EEA1: variants seen among roughly 807,000 people sequenced by gnomAD.
EEA1 encodes the protein early endosome antigen 1, 162kD.
Under a neutral mutation model 209.2 loss-of-function variants are expected in EEA1, and 111 were observed. The ratio of observed to expected loss-of-function variants is 0.53; its 90% CI spans 0.45 to 0.62. The LOEUF is 0.62. Among genes scored for constraint, EEA1 ranks in the 20% least tolerant of loss-of-function variants. EEA1 has a pLI of 0.00. For synonymous variants in EEA1, 536 were observed against 540.6 expected, an observed-to-expected ratio of 0.99 and a Z score of 0.12; for missense variants, 1,343 against 1,530.8, an observed-to-expected ratio of 0.88 and a Z score of 2.05.
At chr12:92,836,413 T>A (rs2120576) in intron 10 of EEA1, among the ~76,000 whole-genome samples, 4 of 152,112 alleles carry the variant, frequency 2.6e-5, no homozygotes, top group Non-Finnish European at 5.9e-5. Context: ...AATTTCCCTA[T>A]ATTACGCTCC....
At chr12:92,787,611 T>C (rs1874188910) in intron 22 of EEA1, among the ~76,000 whole-genome samples, 1 of 152,068 alleles carries the variant, frequency 6.6e-6, no homozygotes, top group African/African-American at 2.4e-5. Flanking sequence ...AAAGACAGCA[T>C]AATACTTACA....
At chr12:92,821,778 A>T (rs2136683319) in intron 13 of EEA1, among the ~76,000 whole-genome samples, 1 of 151,532 alleles carries the variant, frequency 6.6e-6, no homozygotes. Context: ...TTCAGGAATG[A>T]TCAATCTTTA....
intron 1 of EEA1, among the ~76,000 whole-genome samples, chr12:92,927,108 A>T (rs1351078142): frequency 6.6e-6 from 1 of 152,222 alleles, no homozygotes; most frequent in Non-Finnish European, 1.5e-5. Context: ...TAATGCATTT[A>T]ACACAGTGAT....
intron 1 of EEA1, among the ~76,000 whole-genome samples, chr12:92,901,000 T>C (rs556748544): frequency 5.9e-5 from 9 of 152,216 alleles, no homozygotes; most frequent in East Asian, 1.9e-4. Flanking sequence ...AGAACCGTTC[T>C]ATAAAACTAG....
intron 1 of EEA1, among the ~76,000 whole-genome samples, chr12:92,916,781 C>T (rs531064365): frequency 1.4e-4 from 17 of 125,174 alleles, no homozygotes; most frequent in African/African-American, 3.7e-4. Flanking sequence ...AGGCTTCAGA[C>T]GATCAAATTA....
At chr12:92,787,290 C>T (rs1874176858) in intron 22 of EEA1, among the ~76,000 whole-genome samples, 1 of 152,062 alleles carries the variant, frequency 6.6e-6, no homozygotes, top group South Asian at 2.1e-4. Context: ...CTGGTACCTT[C>T]CTGTGACCTA....
chr12:92,884,223 C>T (rs1258500927), intron 2 of EEA1: 6 of 1,515,370 alleles, frequency 4.0e-6, no homozygotes, highest in Non-Finnish European at 5.4e-6. Context: ...GCCTTTGTAA[C>T]CTTTGACGAC....
intron 9 of EEA1, among the ~76,000 whole-genome samples, chr12:92,849,184 T>C (rs1420683659): frequency 1.3e-5 from 2 of 152,244 alleles, no homozygotes; most frequent in Non-Finnish European, 2.9e-5. Flanking sequence ...AATTTGGTTC[T>C]GTTTTAGTCA....
chr12:92,868,205 G>A (rs1878485915), intron 2 of EEA1, among the ~76,000 whole-genome samples: 1 of 152,152 alleles, frequency 6.6e-6, no homozygotes, highest in Non-Finnish European at 1.5e-5. Context: ...ATTGTCTTCT[G>A]AATGAATGAA....
intron 1 of EEA1, among the ~76,000 whole-genome samples, chr12:92,921,614 G>T (rs1880999099): frequency 8.6e-6 from 1 of 115,928 alleles, no homozygotes; most frequent in South Asian, 3.4e-4. Flanking sequence ...TTGGGGGAGG[G>T]GGGAGGGATA....
Position 92,842,515 on chromosome 12 carries a change from C to A in EEA1, c.865G>T (p.Glu289Ter). 1 of 1,608,310 alleles carries A rather than the reference C, an allele frequency of 6.2e-7. No individual in the cohort carries two copies. ...ACTGAACTTTTCAGTTTTTGTAGTTCCTGTACATATACAGCAACTTCCTGG... is the reference window on the plus strand; with the variant it reads ...ACTGAACTTTTCAGTTTTTGTAGTTACTGTACATATACAGCAACTTCCTGG... ...GPQEVAVYVQ[E>*]LQKLKSSVNE... The change falls in exon 10 of 29, where the codon GAA (glutamate) becomes TAA (stop). Residue 289 changes from glutamate to a stop codon, truncating the protein, a stop_gained. Transcript: ENST00000322349. LOFTEE classifies it high-confidence loss of function.
At chr12:92,908,482 A>AT (rs1226213606) in intron 1 of EEA1, among the ~76,000 whole-genome samples, 2 of 152,188 alleles carry the variant, frequency 1.3e-5, no homozygotes, top group Non-Finnish European at 2.9e-5. Flanking sequence ...TTTAAAAAAA[A>AT]TTTTTTTAAA....
At chr12:92,802,807 CACAA>C (rs749571492) in intron 18 of EEA1, 73 bp from the exon 19 acceptor site, 362 of 1,225,930 alleles carry the variant, frequency 3.0e-4, no homozygotes, top group African/African-American at 6.0e-4. Flanking sequence ...CAAAATTAAT[CACAA>C]ACAATTACTG....
In EEA1 at chr12:92,777,927, TA is replaced by T; in HGVS notation, c.3893+13del. The T allele has an allele frequency of 6.3e-7, 1 of 1,592,120 alleles. No homozygotes were observed. The stretch of plus-strand genomic sequence containing the variant: ...TACAATGGAAATAAACTAATTTTAC[TA>T]GATATCAATCACCTTTCCAGTAGTG... On this transcript the variant is annotated intron_variant, in intron 26 of 28. Transcript: ENST00000322349.
chr12:92,884,509 T>C, intron 2 of EEA1: 1 of 1,472,206 alleles, frequency 6.8e-7, no homozygotes, highest in East Asian at 2.3e-5. Flanking sequence ...ATTTTGGAGG[T>C]GGTGGAAGCT....
chr12:92,789,062 G>A (rs1874266954), intron 21 of EEA1, among the ~76,000 whole-genome samples: 2 of 151,968 alleles, frequency 1.3e-5, no homozygotes, highest in Admixed American at 1.3e-4. Context: ...AGGCTGAGGT[G>A]GGTGATCACC....
At chr12:92,888,587 C>CAA (rs1214483835) in intron 2 of EEA1, among the ~76,000 whole-genome samples, 1 of 127,922 alleles carries the variant, frequency 7.8e-6, no homozygotes, top group Non-Finnish European at 1.7e-5. Context: ...AAAAAACAAA[C>CAA]AAACAAACAA....
At chr12:92,787,111 T>C (rs925141059) in intron 22 of EEA1, among the ~76,000 whole-genome samples, 1 of 152,156 alleles carries the variant, frequency 6.6e-6, no homozygotes, top group Non-Finnish European at 1.5e-5. Context: ...ATAAAACATT[T>C]TAATATTCTT....
intron 22 of EEA1, among the ~76,000 whole-genome samples, chr12:92,782,521 G>T (rs1230566431): frequency 6.6e-6 from 1 of 152,156 alleles, no homozygotes; most frequent in African/African-American, 2.4e-5. Flanking sequence ...TCATAAGGCA[G>T]TGTGAAAGAA....
Sources: gnomAD v4.1 joint callset for allele counts (sites outside exome capture counted in the v4.1 genomes callset) on GRCh38, gnomAD v4.1.1 for gene constraint, MANE v1.5 for transcripts, NCBI Gene and HGNC (gene_info 2026-07-23, HGNC 2026-07-21) for gene names.